Variants in PRDM15 observed in about 807,000 individuals in gnomAD.
PRDM15 encodes the protein PR/SET domain 15.
Under a neutral mutation model 128.6 loss-of-function variants are expected in PRDM15, and 64 were observed. The observed-to-expected ratio is 0.50, with a 90% CI of 0.41 to 0.61. The LOEUF (loss-of-function observed/expected upper bound fraction) is 0.61, where lower values mean the gene tolerates loss of function less well. Among genes scored for constraint, PRDM15 ranks in the 20% least tolerant of loss-of-function variants. The probability of loss-of-function intolerance (pLI) is 0.00; values close to 1 mark genes in which losing one functional copy is unlikely to be tolerated. For missense variants in PRDM15, 1,242 were observed against 1,569.1 expected (o/e 0.79, Z 3.52); for synonymous variants, 615 against 621.8 (o/e 0.99, Z 0.16).
rs1007756509 is a variant in PRDM15 at position 41,832,835 on chromosome 21, T to C, written c.1366+2602A>G. 2.6e-5 allele frequency among the ~76,000 whole-genome samples: 4 copies of C among 152,068 alleles called. No individual in the cohort carries two copies. The highest frequency in any genetic ancestry group is 9.7e-5 in the African/African-American group (4 of 41,392). On this transcript the variant is annotated intron_variant, in intron 11 of 23. Coordinates refer to ENST00000398548, the MANE Select transcript of PRDM15 (RefSeq NM_001040424.3). The surrounding 1 kb of genome is among the most constrained non-coding windows in gnomAD (Gnocchi z 4.2). ...TTCAGCTTTCTCCCTCACAAGCCCCTCGTGACCATGGAAAGAGAACCTACT... is the reference window on the plus strand; with the variant it reads ...TTCAGCTTTCTCCCTCACAAGCCCCCCGTGACCATGGAAAGAGAACCTACT...
At chr21:41,805,958 T>TCAC (rs796585392) in intron 21 of PRDM15, among the ~76,000 whole-genome samples, 1 of 129,280 alleles carries the variant, frequency 7.7e-6, no homozygotes, top group East Asian at 2.6e-4. Context: ...CCACGTGGCA[T>TCAC]CACCACCACT....
chr21:41,801,185 A>C lies in PRDM15; in HGVS notation c.*55T>G. The stretch of plus-strand genomic sequence containing the variant: ...GTTTGGTATCCAGCAAACACATCTA[A>C]ACAAATCCCAAACATCCCTCTGCAG... On this transcript the variant is annotated 3_prime_UTR_variant, in exon 24 of 24. Transcript: ENST00000398548. 1 of 1,498,672 alleles carries C rather than the reference A, an allele frequency of 6.7e-7. No individual in the cohort carries two copies. The highest frequency in any genetic ancestry group is 8.8e-7 in the Non-Finnish European group (1 of 1,131,100). The allele number at this position is 1,498,672 out of a possible 1,614,324, so 92.8% of individuals were successfully genotyped here.
intron 1 of PRDM15, among the ~76,000 whole-genome samples, chr21:41,861,297 T>C (rs1333093188): frequency 6.6e-6 from 1 of 152,232 alleles, no homozygotes; most frequent in Non-Finnish European, 1.5e-5. Context: ...CCAATAATTC[T>C]ATTCCCTATC....
chr21:41,808,818 C>T (rs2061763122), intron 21 of PRDM15, among the ~76,000 whole-genome samples: 1 of 152,210 alleles, frequency 6.6e-6, no homozygotes, highest in African/African-American at 2.4e-5. Context: ...CAGGCAAACA[C>T]ACTGCTAAAC....
intron 1 of PRDM15, chr21:41,878,571 C>A: frequency 2.1e-6 from 1 of 483,532 alleles, no homozygotes; most frequent in Admixed American, 4.2e-5. Context: ...GGGCACGCCC[C>A]GTCCCCGAAC....
At chr21:41,820,737 T>G (rs752572125) in intron 16 of PRDM15, among the ~76,000 whole-genome samples, 2 of 152,266 alleles carry the variant, frequency 1.3e-5, no homozygotes, top group Non-Finnish European at 2.9e-5. Flanking sequence ...ATGGCCTGTA[T>G]GTCAGATGTG....
chr21:41,836,449 C>A lies in PRDM15; in HGVS notation c.1183+19G>T, dbSNP rs765406130. ...TCCTGGCCCTGGCCCCGGGCGCCAG[C>A]CGGGCCTCGCGGACTCACCATGCGA... On this transcript the variant is annotated intron_variant, in intron 9 of 23. Transcript: ENST00000398548. 9 of 1,598,456 alleles carry A rather than the reference C, an allele frequency of 5.6e-6. No individual in the cohort carries two copies. Among genetic ancestry groups the A allele is most frequent in the Non-Finnish European group, 6.0e-6 (7 of 1,169,684 alleles).
At chr21:41,878,960 G>A in intron 1 of PRDM15, 1 of 975,418 alleles carries the variant, frequency 1.0e-6, no homozygotes, top group South Asian at 4.6e-5. Flanking sequence ...GGACGGGGGC[G>A]CGGAGCCCGG....
intron 5 of PRDM15, among the ~76,000 whole-genome samples, chr21:41,847,791 G>C (rs2063313141): frequency 6.6e-6 from 1 of 152,212 alleles, no homozygotes; most frequent in Non-Finnish European, 1.5e-5. Flanking sequence ...ATTTTAAATA[G>C]GCACCTGAGG....
chr21:41,821,682 A>G lies in PRDM15; in HGVS notation c.1896+221T>C, dbSNP rs1346431944. On this transcript the variant is annotated intron_variant, in intron 15 of 23. Transcript: ENST00000398548. The surrounding 1 kb of genome is among the most constrained non-coding windows in gnomAD (Gnocchi z 5.4). ...TTCCTGGAGGGCGCCTGTGAGACCCACACAGACCGTCCCTGAGCACCAAGG... is the reference window on the plus strand; with the variant it reads ...TTCCTGGAGGGCGCCTGTGAGACCCGCACAGACCGTCCCTGAGCACCAAGG... Among the ~76,000 whole-genome samples, 2 of 152,178 alleles carry G rather than the reference A, an allele frequency of 1.3e-5. No individual in the cohort carries two copies. Among genetic ancestry groups the G allele is most frequent in the Non-Finnish European group, 2.9e-5 (2 of 68,032 alleles).
intron 13 of PRDM15, 75 bp from the exon 14 acceptor site, chr21:41,823,524 T>C: frequency 6.7e-7 from 1 of 1,482,758 alleles, no homozygotes; most frequent in South Asian, 1.3e-5. Context: ...CAGGCTCCTC[T>C]GGGGAAACCA....
chr21:41,801,153 T>C lies in PRDM15; in HGVS notation c.*87A>G. ...AACCTTACATTGCAATGTATGACTT[T>C]TTGTTTGTTTGGTATCCAGCAAACA... On this transcript the variant is annotated 3_prime_UTR_variant, in exon 24 of 24. Coordinates refer to ENST00000398548, the MANE Select transcript of PRDM15 (RefSeq NM_001040424.3). The C allele has an allele frequency of 6.7e-7, 1 of 1,485,258 alleles. No individual in the cohort carries two copies. Among genetic ancestry groups the C allele is most frequent in the African/African-American group, 1.4e-5 (1 of 71,410 alleles). 92.0% of individuals were successfully genotyped at this position (1,485,258 alleles called of 1,614,324 possible).
At chr21:41,869,931 C>G (rs2064153585) in intron 1 of PRDM15, among the ~76,000 whole-genome samples, 1 of 152,244 alleles carries the variant, frequency 6.6e-6, no homozygotes, top group African/African-American at 2.4e-5. Flanking sequence ...TGCATCTATG[C>G]CTGGGTCTCC....
At chr21:41,835,592 G>C in intron 10 of PRDM15, 68 bp from the exon 11 acceptor site, 1 of 1,353,732 alleles carries the variant, frequency 7.4e-7, no homozygotes, top group Non-Finnish European at 1.0e-6. Context: ...AGCCCCCGAC[G>C]TGCTGCCCGG....
intron 21 of PRDM15, among the ~76,000 whole-genome samples, chr21:41,806,385 CCACCACCATCACCACCACCACCACCAT>C (rs2061626909): frequency 5.8e-5 from 1 of 17,268 alleles, no homozygotes; most frequent in Non-Finnish European, 1.1e-4. Flanking sequence ...ACCATCACCA[CCACCACCATCACCACCACCACCACCAT>C]CACCACCACC....
chr21:41,822,278 C>T (rs550008571), intron 14 of PRDM15, among the ~76,000 whole-genome samples: 48 of 152,392 alleles, frequency 3.1e-4, no homozygotes, highest in African/African-American at 1.0e-3. Flanking sequence ...CTCTCACATG[C>T]GCCCAGCAAG....
At chr21:41,816,034 G>A (rs1180363985) in intron 18 of PRDM15, among the ~76,000 whole-genome samples, 198 bp from the exon 19 acceptor site, 2 of 152,240 alleles carry the variant, frequency 1.3e-5, no homozygotes, top group African/African-American at 2.4e-5. Flanking sequence ...GGGAGGGACT[G>A]ACTGCAACAT....
At chr21:41,850,160 G>A (rs2063382842) in intron 5 of PRDM15, among the ~76,000 whole-genome samples, 2 of 152,234 alleles carry the variant, frequency 1.3e-5, no homozygotes, top group African/African-American at 2.4e-5. Flanking sequence ...CTCTGGCTCT[G>A]ATTTCCATTC....
intron 1 of PRDM15, among the ~76,000 whole-genome samples, chr21:41,874,525 A>ATATATATATATATATATATTT: frequency 1.0e-5 from 1 of 95,828 alleles, no homozygotes; most frequent in African/African-American, 4.2e-5. Flanking sequence ...ATATATATAT[A>ATATATATATATATATATATTT]TTTTTTTTTT....
Sources: gnomAD v4.1 joint callset for allele counts (sites outside exome capture counted in the v4.1 genomes callset) on GRCh38, gnomAD v4.1.1 for gene constraint, Gnocchi (gnomAD v3.1) non-coding constraint, MANE v1.5 for transcripts, NCBI Gene and HGNC (gene_info 2026-07-23, HGNC 2026-07-21) for gene names.